The following SPON1 variants were observed in gnomAD, a reference collection of about 807,000 sequenced individuals.
SPON1 encodes the protein spondin-1.
Under a neutral mutation model 111.7 loss-of-function variants are expected in SPON1, and 52 were observed. The ratio of observed to expected loss-of-function variants is 0.47; its 90% confidence interval spans 0.37 to 0.59. The LOEUF is 0.59. SPON1 is among the 20% of genes least tolerant of loss of function. The pLI, the probability that SPON1 is intolerant of heterozygous loss-of-function variation, is 0.00. For missense variants in SPON1, 957 were observed against 1,068.5 expected, an observed-to-expected ratio of 0.90 and a Z score of 1.46; for synonymous variants, 410 against 395.8, an observed-to-expected ratio of 1.04 and a Z score of -0.43.
intron 6 of SPON1, among the ~76,000 whole-genome samples, chr11:14,209,489 C>G (rs1372544379): frequency 7.9e-5 from 12 of 152,120 alleles, no homozygotes; most frequent in Admixed American, 7.9e-4. Context: ...TCAATTCCCA[C>G]TTATGAATGA....
chr11:14,257,905 A>G lies in SPON1; in HGVS notation c.1492+7A>G. The G allele has an allele frequency of 6.5e-7, 1 of 1,532,514 alleles. No homozygotes were observed. The highest frequency in any genetic ancestry group is 8.8e-7 in the Non-Finnish European group (1 of 1,138,034). 94.9% of individuals were successfully genotyped at this position (1,532,514 alleles called of 1,614,324 possible). On this transcript the variant is annotated splice_region_variant and intron_variant, in intron 11 of 15. Transcript: ENST00000576479. ...CCTGGCTGCAGTGACGAAGGTGAGG[A>G]GACAACCCAGACCAGCCAGGGGCTG...
At chr11:14,199,465 C>T (rs1848437886) in intron 6 of SPON1, among the ~76,000 whole-genome samples, 1 of 151,930 alleles carries the variant, frequency 6.6e-6, no homozygotes. Flanking sequence ...ACTCCTCTAT[C>T]TCTTTCCTGG....
chr11:14,029,885 C>G (rs528766881), intron 2 of SPON1, among the ~76,000 whole-genome samples: 1 of 152,282 alleles, frequency 6.6e-6, no homozygotes, highest in East Asian at 1.9e-4. Flanking sequence ...GAGGTAGATG[C>G]TATTATCAGT....
chr11:14,193,375 T>A (rs892595325), intron 6 of SPON1, among the ~76,000 whole-genome samples: 24 of 152,178 alleles, frequency 1.6e-4, no homozygotes, highest in African/African-American at 4.3e-4. Context: ...AGGTACCCCA[T>A]GCCGAACCTC....
At chr11:14,215,391 G>T (rs782780785) in intron 6 of SPON1, among the ~76,000 whole-genome samples, 4 of 152,186 alleles carry the variant, frequency 2.6e-5, no homozygotes, top group Non-Finnish European at 5.9e-5. Context: ...GGTGTAAAGG[G>T]TCTGAGATGG....
intron 6 of SPON1, among the ~76,000 whole-genome samples, chr11:14,181,261 T>G (rs1360373493): frequency 6.6e-6 from 1 of 152,124 alleles, no homozygotes; most frequent in African/African-American, 2.4e-5. Flanking sequence ...TACAAAGAGA[T>G]GAAATATATG....
At chr11:14,174,988 G>A (rs551072320) in intron 6 of SPON1, among the ~76,000 whole-genome samples, 3 of 132,962 alleles carry the variant, frequency 2.3e-5, no homozygotes, top group African/African-American at 8.5e-5. Context: ...AGCTCTACAA[G>A]ATAGTTCAGA....
intron 2 of SPON1, among the ~76,000 whole-genome samples, chr11:14,011,518 T>G (rs1160821532): frequency 6.6e-6 from 1 of 151,942 alleles, no homozygotes; most frequent in Non-Finnish European, 1.5e-5. Flanking sequence ...CATGAGTGGA[T>G]TCCTACTGCA....
Position 14,014,188 on chromosome 11 carries a change from G to C in SPON1, c.346-27333G>C, listed in dbSNP as rs115490346. Among the ~76,000 whole-genome samples the C allele has an allele frequency of 6.6e-3, 1,005 of 152,226 alleles. 11 individuals carry two copies. Among genetic ancestry groups the C allele is most frequent in the African/African-American group, 0.022 (917 of 41,538 alleles). On this transcript the variant is annotated intron_variant, in intron 2 of 15. Transcript: ENST00000576479. Reference sequence around the variant, plus strand: ...ATCTTGCAGCTACGTGGACAAGGTGGGTGCAGCCTGGTGCCTTATGTCTGT... The same window carrying C: ...ATCTTGCAGCTACGTGGACAAGGTGCGTGCAGCCTGGTGCCTTATGTCTGT...
chr11:14,136,782 T>C (rs1847597402), intron 6 of SPON1, among the ~76,000 whole-genome samples: 1 of 152,216 alleles, frequency 6.6e-6, no homozygotes, highest in African/African-American at 2.4e-5. Flanking sequence ...GAGTGCATGC[T>C]ATTCATCCAA....
chr11:14,226,375 T>C (rs141491270), intron 6 of SPON1, among the ~76,000 whole-genome samples: 2 of 152,332 alleles, frequency 1.3e-5, no homozygotes, highest in African/African-American at 4.8e-5. Context: ...CATAATGGGA[T>C]GTGAAAACAC....
intron 6 of SPON1, among the ~76,000 whole-genome samples, chr11:14,165,219 T>A (rs1328719798): frequency 6.9e-6 from 1 of 145,170 alleles, no homozygotes; most frequent in African/African-American, 2.6e-5. Context: ...AGAAGCAAGA[T>A]GGAGTTAGTT....
intron 5 of SPON1, among the ~76,000 whole-genome samples, chr11:14,081,880 T>C (rs1426192618): frequency 6.6e-6 from 1 of 152,124 alleles, no homozygotes; most frequent in Non-Finnish European, 1.5e-5. Context: ...TTGTTTAATG[T>C]TACCCACATG....
chr11:13,994,304 AAC>A (rs1158149091), intron 2 of SPON1, among the ~76,000 whole-genome samples: 2 of 152,244 alleles, frequency 1.3e-5, no homozygotes, highest in African/African-American at 4.8e-5. Flanking sequence ...ATGGAGTAGA[AAC>A]AGTTTCTTGC....
intron 5 of SPON1, among the ~76,000 whole-genome samples, chr11:14,132,735 A>T (rs1847542081): frequency 6.6e-6 from 1 of 152,128 alleles, no homozygotes; most frequent in African/African-American, 2.4e-5. Flanking sequence ...ACATGTTCCC[A>T]TTATCTTATC....
intron 4 of SPON1, 87 bp from the exon 5 acceptor site, chr11:14,079,812 T>A (rs1848947039): frequency 7.0e-7 from 1 of 1,428,626 alleles, no homozygotes. Context: ...TTCCTAAGGG[T>A]TAAGGATAAA....
intron 6 of SPON1, among the ~76,000 whole-genome samples, chr11:14,137,689 TG>T (rs1554928267): frequency 6.6e-6 from 1 of 152,186 alleles, no homozygotes; most frequent in African/African-American, 2.4e-5. Context: ...TGAAACTTGT[TG>T]AGAATCTCAA....
chr11:13,989,874 T>G (rs9667271), intron 2 of SPON1, among the ~76,000 whole-genome samples: 2 of 152,046 alleles, frequency 1.3e-5, no homozygotes, highest in African/African-American at 4.8e-5. Context: ...GTTTCCTAAT[T>G]GTGAGTTCTA....
chr11:14,129,464 C>T (rs113293427), intron 5 of SPON1, among the ~76,000 whole-genome samples: 3,815 of 152,246 alleles, frequency 0.025, 70 homozygotes, highest in Non-Finnish European at 0.037. Context: ...CTCCCGTTCC[C>T]AAGAAGTTTC....
Sources: allele counts gnomAD v4.1 joint callset (sites outside exome capture counted in the v4.1 genomes callset), GRCh38; gene constraint gnomAD v4.1.1; transcripts MANE v1.5; gene names NCBI Gene and HGNC (gene_info 2026-07-23, HGNC 2026-07-21).